HSP90AA1: variants seen among roughly 807,000 people sequenced by gnomAD.
The protein encoded by HSP90AA1 is heat shock protein HSP 90-alpha.
HSP90AA1 carries 18 observed loss-of-function variants against 73.3 expected under a neutral mutation model. The observed-to-expected ratio is 0.25, with a 90% CI of 0.17 to 0.36. The LOEUF is 0.36. Among genes scored for constraint, HSP90AA1 ranks in the 10% least tolerant of loss-of-function variants. The probability of loss-of-function intolerance (pLI) is 1.00; values close to 1 mark genes in which losing one functional copy is unlikely to be tolerated. For missense variants in HSP90AA1, 704 were observed against 874.2 expected (o/e 0.81, Z 2.45); for synonymous variants, 477 against 296.9 (o/e 1.61, Z -6.24).
chr14:102,087,608 G>C (rs1281281006), upstream of HSP90AA1, among the ~76,000 whole-genome samples: 1 of 152,158 alleles, frequency 6.6e-6, no homozygotes, highest in Non-Finnish European at 1.5e-5. Context: ...AGCCGCAAGC[G>C]GCGCCGGGAT....
At chr14:102,104,536 T>C (rs993731723) in intron 1 of HSP90AA1, among the ~76,000 whole-genome samples, 15 of 152,098 alleles carry the variant, frequency 9.9e-5, no homozygotes, top group Admixed American at 9.2e-4. Flanking sequence ...TTGATGCATG[T>C]ATGTAATGTG....
At chr14:102,088,605 T>C (rs565431288), upstream of HSP90AA1, among the ~76,000 whole-genome samples, 11 of 152,336 alleles carry the variant, frequency 7.2e-5, no homozygotes, top group East Asian at 2.1e-3. Context: ...TGCCTGGTCC[T>C]GTGGTAGCTG....
chr14:102,084,973 A>C lies in HSP90AA1; in HGVS notation c.689T>G (p.Val230Gly), dbSNP rs746273544. ...CTTTTCTTCAGCCTCATCATCGCTT[A>C]CTTCTTTATCACGTTCCTTCTCCAC... Reference protein sequence around the residue: ...LFVEKERDKEVSDDEAEEKED... With the variant: ...LFVEKERDKEGSDDEAEEKED... Residue 230 changes from valine (V) to glycine (G), a missense_variant, in exon 5 of 11, where the codon GTA (valine) becomes GGA (glycine). Physicochemically the swap from Val to Gly is moderately radical, Grantham distance 109. Transcript: ENST00000216281. The C allele has an allele frequency of 6.2e-7, 1 of 1,611,768 alleles. No individual in the cohort carries two copies.
intron 1 of HSP90AA1, among the ~76,000 whole-genome samples, chr14:102,105,824 C>T (rs2049560233): frequency 6.6e-6 from 1 of 152,158 alleles, no homozygotes; most frequent in Non-Finnish European, 1.5e-5. Context: ...AATCCCAGCA[C>T]TTTGGGAGGG....
intron 2 of HSP90AA1, among the ~76,000 whole-genome samples, chr14:102,096,860 G>C (rs1382683413): frequency 6.6e-6 from 1 of 152,178 alleles, no homozygotes; most frequent in Non-Finnish European, 1.5e-5. Flanking sequence ...GTGTATGGGA[G>C]AATCAGGAAA....
At chr14:102,126,010 T>C (rs1042471972) in intron 1 of HSP90AA1, among the ~76,000 whole-genome samples, 1 of 152,212 alleles carries the variant, frequency 6.6e-6, no homozygotes, top group Non-Finnish European at 1.5e-5. Flanking sequence ...TTAGAAATTG[T>C]GCTAAGTGCT....
chr14:102,134,179 A>T (rs994891779), intron 1 of HSP90AA1, among the ~76,000 whole-genome samples: 1 of 151,604 alleles, frequency 6.6e-6, no homozygotes, highest in African/African-American at 2.4e-5. Context: ...CTCTATAAAA[A>T]ATACAAAAAT....
intron 1 of HSP90AA1, among the ~76,000 whole-genome samples, chr14:102,131,051 T>C (rs1274486300): frequency 6.6e-6 from 1 of 152,222 alleles, no homozygotes; most frequent in Non-Finnish European, 1.5e-5. Flanking sequence ...TATCTGCTGA[T>C]AACTGCAGAA....
intron 1 of HSP90AA1, among the ~76,000 whole-genome samples, chr14:102,127,162 T>C (rs1379090036): frequency 1.1e-4 from 17 of 152,226 alleles, no homozygotes; most frequent in Admixed American, 1.1e-3. Context: ...AAATCTCATC[T>C]TTCCTGTTTC....
chr14:102,122,356 G>C (rs897216060), intron 1 of HSP90AA1, among the ~76,000 whole-genome samples: 1 of 149,456 alleles, frequency 6.7e-6, no homozygotes, highest in Non-Finnish European at 1.5e-5. Flanking sequence ...TCTTGGCTCA[G>C]TGCAAGCTCC....
intron 1 of HSP90AA1, among the ~76,000 whole-genome samples, chr14:102,115,321 A>AC (rs2049692745): frequency 6.7e-6 from 1 of 149,846 alleles, no homozygotes; most frequent in Non-Finnish European, 1.5e-5. Context: ...AAACAAACAA[A>AC]ACAACTCTGT....
At chr14:102,110,586 ATTTTT>A (rs1220233995) in intron 1 of HSP90AA1, among the ~76,000 whole-genome samples, 1 of 140,790 alleles carries the variant, frequency 7.1e-6, no homozygotes, top group African/African-American at 2.6e-5. Flanking sequence ...TGCCCGGATA[ATTTTT>A]TTTTTTTTGA....
intron 1 of HSP90AA1, among the ~76,000 whole-genome samples, chr14:102,124,354 G>A (rs1485864007): frequency 6.6e-6 from 1 of 151,764 alleles, no homozygotes; most frequent in Non-Finnish European, 1.5e-5. Flanking sequence ...ACCATGCCCA[G>A]CTAATTTTTG....
chr14:102,086,419 C>CTACA, intron 1 of HSP90AA1, 41 bp from the exon 2 acceptor site: 1 of 1,611,534 alleles, frequency 6.2e-7, no homozygotes, highest in Non-Finnish European at 8.5e-7. Flanking sequence ...TGCAGGACGT[C>CTACA]TACAGAGGCA....
chr14:102,131,992 T>G (rs540121077), intron 1 of HSP90AA1, among the ~76,000 whole-genome samples: 1 of 152,250 alleles, frequency 6.6e-6, no homozygotes, highest in African/African-American at 2.4e-5. Context: ...ATCACAACAC[T>G]TCGTGAGGCT....
Position 102,139,119 on chromosome 14 carries a change from C to T in HSP90AA1, c.155+131G>A, listed in dbSNP as rs971508323. 3.6e-5 allele frequency: 41 copies of T among 1,138,768 alleles called. 2 individuals carry two copies. The South Asian group carries it at 5.1e-4, about 14-fold the overall frequency. The allele number at this position is 1,138,768 out of a possible 1,614,324, so 70.5% of individuals were successfully genotyped here. On this transcript the variant is annotated intron_variant, in intron 1 of 11. Transcript: ENST00000334701. ...CAAACCTCCGCTAAGAAGCGGAGGC[C>T]GCCAGTGCTCATCACACGCAGGAAT...
chr14:102,136,581 A>AG (rs1319761016), intron 1 of HSP90AA1, among the ~76,000 whole-genome samples: 1 of 146,708 alleles, frequency 6.8e-6, no homozygotes, highest in Non-Finnish European at 1.5e-5. Flanking sequence ...AAAAAAAAAA[A>AG]AAAAAAAAAG....
chr14:102,126,704 A>G (rs1459980469), intron 1 of HSP90AA1, among the ~76,000 whole-genome samples: 1 of 151,888 alleles, frequency 6.6e-6, no homozygotes. Context: ...TTGTTTTTGT[A>G]CTTTTAGTAG....
At position 102,121,008 on chromosome 14, in the gene HSP90AA1, CACACACACACACAT is replaced by C. The variant is rs2049770851; in HGVS notation, c.155+18228_155+18241del. ...TACTAATCTGCAACATACACACACA[CACACACACACACAT>C]ACACACACACACACACACACGTAAA... is the stretch of plus-strand genomic sequence containing the variant. On this transcript the variant is annotated intron_variant, in intron 1 of 11. Coordinates refer to the HSP90AA1 transcript ENST00000334701. Among the ~76,000 whole-genome samples the C allele has an allele frequency of 2.1e-5, 3 of 146,100 alleles. No individual in the cohort carries two copies. In the South Asian group the frequency reaches 6.6e-4, roughly 32 times the overall value.
Sources: gnomAD v4.1 joint callset for allele counts (sites outside exome capture counted in the v4.1 genomes callset) on GRCh38, gnomAD v4.1.1 for gene constraint, MANE v1.5 for transcripts, NCBI Gene and HGNC (gene_info 2026-07-23, HGNC 2026-07-21) for gene names.